Variants in SPOCK3 observed in about 807,000 individuals in gnomAD.
SPOCK3 encodes the protein testican-3.
SPOCK3 carries 30 observed loss-of-function variants against 56.6 expected under a neutral mutation model. That is an observed-to-expected ratio of 0.53 (90% CI 0.40 to 0.72). The LOEUF is 0.72. Among genes scored for constraint, SPOCK3 ranks in the 30% least tolerant of loss-of-function variants. The pLI is 0.00. For missense variants in SPOCK3, 527 were observed against 530.0 expected (o/e 0.99, Z 0.06); for synonymous variants, 196 against 183.3 (o/e 1.07, Z -0.56).
At chr4:167,104,408 C>G (rs1759917324) in intron 2 of SPOCK3, among the ~76,000 whole-genome samples, 1 of 152,030 alleles carries the variant, frequency 6.6e-6, no homozygotes, top group South Asian at 2.1e-4. Context: ...AAAGAAACAG[C>G]AGAAACTCTG....
intron 6 of SPOCK3, among the ~76,000 whole-genome samples, chr4:166,880,354 T>A (rs1419856469): frequency 6.6e-6 from 1 of 152,164 alleles, no homozygotes; most frequent in Non-Finnish European, 1.5e-5. Flanking sequence ...CCTTAAGTCC[T>A]CCACAGATTC....
intron 4 of SPOCK3, among the ~76,000 whole-genome samples, chr4:166,928,106 A>C (rs1184289970): frequency 1.3e-5 from 2 of 152,200 alleles, no homozygotes; most frequent in African/African-American, 4.8e-5. Context: ...GGCACTATAG[A>C]GACTCTGATT....
chr4:166,971,541 T>C (rs1240080607), intron 4 of SPOCK3, among the ~76,000 whole-genome samples: 11 of 152,114 alleles, frequency 7.2e-5, no homozygotes, highest in African/African-American at 2.6e-4. Flanking sequence ...TTTCAATTAA[T>C]AATAAAAGAT....
At chr4:166,768,217 T>A (rs1471541523) in intron 7 of SPOCK3, among the ~76,000 whole-genome samples, 3 of 152,294 alleles carry the variant, frequency 2.0e-5, no homozygotes, top group East Asian at 3.9e-4. Context: ...ATGTGTGAAA[T>A]TGATCCTGTC....
At chr4:167,059,827 A>C (rs907275585) in intron 3 of SPOCK3, among the ~76,000 whole-genome samples, 1 of 152,220 alleles carries the variant, frequency 6.6e-6, no homozygotes, top group Admixed American at 6.5e-5. Context: ...CAGCCATAAA[A>C]AATGATGAGT....
In SPOCK3 at chr4:167,163,511, C is replaced by G. The variant is rs1274443169; in HGVS notation, c.189+70474G>C. Among the ~76,000 whole-genome samples the G allele has an allele frequency of 3.9e-5, 6 of 151,922 alleles. No individual in the cohort carries two copies. The East Asian group carries it at 1.2e-3, about 29-fold the overall frequency. ...GACTATAGTTGGCCTGTTGTGCTATCAAACACTAGATTTTATTCATCTAAC... is the reference window on the plus strand; with the variant it reads ...GACTATAGTTGGCCTGTTGTGCTATGAAACACTAGATTTTATTCATCTAAC... On this transcript the variant is annotated intron_variant, in intron 2 of 10. Coordinates refer to ENST00000357545, the MANE Select transcript of SPOCK3 (RefSeq NM_001040159.2).
At chr4:167,048,481 A>T (rs922507947) in intron 3 of SPOCK3, among the ~76,000 whole-genome samples, 1 of 152,156 alleles carries the variant, frequency 6.6e-6, no homozygotes, top group Non-Finnish European at 1.5e-5. Flanking sequence ...GAAAACTAGA[A>T]GATCCTGACA....
chr4:167,171,601 G>A (rs188962424), intron 2 of SPOCK3, among the ~76,000 whole-genome samples: 137 of 152,030 alleles, frequency 9.0e-4, no homozygotes, highest in Non-Finnish European at 1.4e-3. Context: ...TTAAATGTTC[G>A]TTTGAGAAAA....
At chr4:166,857,854 A>G (rs1026865656) in intron 6 of SPOCK3, among the ~76,000 whole-genome samples, 2 of 152,226 alleles carry the variant, frequency 1.3e-5, no homozygotes, top group Non-Finnish European at 2.9e-5. Flanking sequence ...CTTGCCAAAA[A>G]GCAGTGATCT....
intron 4 of SPOCK3, among the ~76,000 whole-genome samples, chr4:166,944,057 G>T (rs1251288883): frequency 2.0e-5 from 3 of 152,244 alleles, no homozygotes; most frequent in South Asian, 4.1e-4. Flanking sequence ...TGAGGCAGGA[G>T]AATCACTTGA....
intron 7 of SPOCK3, among the ~76,000 whole-genome samples, chr4:166,770,360 G>A (rs1738766809): frequency 3.9e-5 from 6 of 152,088 alleles, no homozygotes; most frequent in Admixed American, 3.3e-4. Context: ...AAGAATGTAT[G>A]TGATTAGATA....
At chr4:166,912,105 G>A (rs1351780548) in intron 5 of SPOCK3, among the ~76,000 whole-genome samples, 1 of 152,098 alleles carries the variant, frequency 6.6e-6, no homozygotes, top group South Asian at 2.1e-4. Flanking sequence ...ATGTAGAAGA[G>A]AGAGCAAAGG....
intron 4 of SPOCK3, among the ~76,000 whole-genome samples, chr4:166,930,093 T>C (rs752268977): frequency 6.6e-6 from 1 of 152,158 alleles, no homozygotes; most frequent in African/African-American, 2.4e-5. Flanking sequence ...TAATTCTATA[T>C]ACTATTTTTA....
intron 2 of SPOCK3, among the ~76,000 whole-genome samples, chr4:167,158,033 AAAC>A (rs1301585335): frequency 1.3e-5 from 2 of 152,030 alleles, no homozygotes; most frequent in Non-Finnish European, 2.9e-5. Context: ...TCAAGTGTAA[AAAC>A]AACTATATCC....
At chr4:167,145,146 A>G (rs1342421923) in intron 2 of SPOCK3, among the ~76,000 whole-genome samples, 2 of 152,044 alleles carry the variant, frequency 1.3e-5, no homozygotes, top group Non-Finnish European at 2.9e-5. Context: ...TGATTTACTG[A>G]TAGATTGAAT....
At chr4:167,052,827 A>G (rs1174040566) in intron 3 of SPOCK3, among the ~76,000 whole-genome samples, 2 of 152,250 alleles carry the variant, frequency 1.3e-5, no homozygotes, top group African/African-American at 4.8e-5. Context: ...GACAGCCAAT[A>G]TTGATATTGT....
chr4:167,086,929 A>C (rs1758256463), intron 2 of SPOCK3, among the ~76,000 whole-genome samples: 1 of 152,134 alleles, frequency 6.6e-6, no homozygotes, highest in Admixed American at 6.6e-5. Context: ...GAAATGGATA[A>C]GTAAAGGTAG....
At chr4:167,210,783 C>A (rs1405556683) in intron 2 of SPOCK3, among the ~76,000 whole-genome samples, 1 of 152,040 alleles carries the variant, frequency 6.6e-6, no homozygotes, top group Non-Finnish European at 1.5e-5. Context: ...AAATATATGA[C>A]TAGCTCGAGA....
chr4:166,764,160 T>TC (rs1737630444), intron 7 of SPOCK3, among the ~76,000 whole-genome samples: 1 of 152,096 alleles, frequency 6.6e-6, no homozygotes, highest in South Asian at 2.1e-4. Context: ...CTTTTCCATC[T>TC]CATTTCTTTT....
Sources: gnomAD v4.1 joint callset for allele counts (sites outside exome capture counted in the v4.1 genomes callset) on GRCh38, gnomAD v4.1.1 for gene constraint, MANE v1.5 for transcripts, NCBI Gene and HGNC (gene_info 2026-07-23, HGNC 2026-07-21) for gene names.